The following RASSF2 variants were observed in gnomAD, a reference collection of about 807,000 sequenced individuals.
The protein encoded by RASSF2 is Ras association domain family member 2.
A neutral mutation model predicts 46.3 loss-of-function variants in RASSF2; 34 were observed. The ratio of observed to expected loss-of-function variants is 0.73; its 90% CI spans 0.56 to 0.98. RASSF2 has a LOEUF of 0.98. Ranked by LOEUF, RASSF2 falls within the 50% of genes least tolerant of loss-of-function variation. RASSF2 has a pLI of 0.00. For missense variants in RASSF2, 364 were observed against 431.2 expected (o/e 0.84, Z 1.38); for synonymous variants, 158 against 162.5 (o/e 0.97, Z 0.21).
intron 4 of RASSF2, among the ~76,000 whole-genome samples, chr20:4,797,572 G>A (rs574883196): frequency 6.6e-6 from 1 of 152,148 alleles, no homozygotes; most frequent in Non-Finnish European, 1.5e-5. Context: ...CCCACTATCA[G>A]TGGGGACTCT....
rs892265212 is a variant in RASSF2 at position 4,818,070 on chromosome 20, C to A, written c.-33+4259G>T. ...TCACTTGAGGTCAGGAGTTCAAGAC[C>A]AGCCTGGCCAACATGGTGAAACCCC... On this transcript the variant is annotated intron_variant, in intron 2 of 11. Coordinates refer to ENST00000379400, the MANE Select transcript of RASSF2 (RefSeq NM_014737.3). Among the ~76,000 whole-genome samples the A allele has an allele frequency of 2.6e-5, 4 of 152,160 alleles. No individual in the cohort carries two copies. In the East Asian group the frequency reaches 7.8e-4, roughly 29 times the overall value.
rs2122386895 is a variant in RASSF2 at position 4,784,279 on chromosome 20, T to C, written c.975A>G (p.Thr325=). The C allele has an allele frequency of 6.2e-7, 1 of 1,613,542 alleles. No homozygotes were observed. The highest frequency in any genetic ancestry group is 1.1e-5 in the South Asian group (1 of 91,078). Reference sequence around the variant, plus strand: ...ATCCCCTCGTTCTCATGGCTCAGATTGTTGCTGGGGTCTCGGCTATCTCCT... The same window carrying C: ...ATCCCCTCGTTCTCATGGCTCAGATCGTTGCTGGGGTCTCGGCTATCTCCT... ...RLEEIAETPA[T]I Residue 325 remains threonine (T), a synonymous_variant, in exon 12 of 12, where the codon ACA becomes ACG. Transcript: ENST00000379400.
intron 2 of RASSF2, among the ~76,000 whole-genome samples, chr20:4,806,047 C>G (rs1013455583): frequency 1.1e-4 from 17 of 152,148 alleles, no homozygotes; most frequent in African/African-American, 3.6e-4. Flanking sequence ...CGGGAAAGAA[C>G]AGAAGGGGTG....
In RASSF2 at chr20:4,783,612, G is replaced by A. The variant is rs1240471516; in HGVS notation, c.*661C>T. ...ACGTTTCCAGTGTAAAAATACGTGG[G>A]CTTATTGCATCTACCCCACGGATGG... On this transcript the variant is annotated 3_prime_UTR_variant, in exon 12 of 12. Coordinates refer to ENST00000379400, the MANE Select transcript of RASSF2 (RefSeq NM_014737.3). The A allele has an allele frequency of 6.6e-6, 1 of 152,668 alleles. No homozygotes were observed. Among genetic ancestry groups the A allele is most frequent in the Non-Finnish European group, 1.5e-5 (1 of 68,082 alleles). 9.5% of individuals were successfully genotyped at this position (152,668 alleles called of 1,614,324 possible).
intron 2 of RASSF2, among the ~76,000 whole-genome samples, chr20:4,809,821 C>A (rs1241193950): frequency 6.6e-6 from 1 of 152,154 alleles, no homozygotes; most frequent in Non-Finnish European, 1.5e-5. Context: ...CCAGCCACAG[C>A]TGATCCCCTG....
Position 4,794,620 on chromosome 20 carries a change from G to T in RASSF2, c.287+1195C>A, listed in dbSNP as rs148967177. Among the ~76,000 whole-genome samples, 6 of 152,042 alleles carry T rather than the reference G, an allele frequency of 3.9e-5. No homozygotes were observed. In the East Asian group the frequency reaches 1.2e-3, roughly 29 times the overall value. On this transcript the variant is annotated intron_variant, in intron 5 of 11. Transcript: ENST00000379400. ...GCTGCTGGGGAGTCTGAGTTGGGAG[G>T]ATCACTTGAGCCTAGGAGGTTGAGG...
intron 2 of RASSF2, chr20:4,815,221 A>C (rs1487055085): frequency 6.6e-6 from 1 of 152,214 alleles, no homozygotes; most frequent in Non-Finnish European, 1.5e-5. Flanking sequence ...TGGGTCCCGC[A>C]GCTTCCTGAG....
chr20:4,813,678 C>A (rs183430055), intron 2 of RASSF2, among the ~76,000 whole-genome samples: 48 of 152,108 alleles, frequency 3.2e-4, no homozygotes, highest in African/African-American at 1.0e-3. Context: ...TGGAGCGGGA[C>A]GAAAAAGGAA....
chr20:4,821,082 T>C (rs937767614), intron 2 of RASSF2, among the ~76,000 whole-genome samples: 2 of 152,072 alleles, frequency 1.3e-5, no homozygotes, highest in African/African-American at 4.8e-5. Flanking sequence ...AGCTCACGTA[T>C]GGAACGCAGA....
intron 2 of RASSF2, chr20:4,815,012 C>T (rs542586853): frequency 3.9e-5 from 6 of 152,374 alleles, no homozygotes; most frequent in African/African-American, 1.4e-4. Flanking sequence ...ACCCACTGGG[C>T]AGGGCCAGGT....
At chr20:4,792,845 G>C in intron 5 of RASSF2, 5 of 858,398 alleles carry the variant, frequency 5.8e-6, no homozygotes, top group Non-Finnish European at 8.5e-6. Flanking sequence ...GGTGGGGCAG[G>C]GGGAGTTCCG....
chr20:4,811,053 G>T (rs1927750014), intron 2 of RASSF2, among the ~76,000 whole-genome samples: 1 of 152,036 alleles, frequency 6.6e-6, no homozygotes. Context: ...GTAGAGAGAG[G>T]GGTTGCTTTA....
chr20:4,802,342 C>T (rs1926942155), intron 2 of RASSF2, among the ~76,000 whole-genome samples: 1 of 152,064 alleles, frequency 6.6e-6, no homozygotes. Context: ...GTGATGATGA[C>T]CAAAACTGTC....
In RASSF2 at chr20:4,782,828, C is replaced by G. The variant is rs953152722; in HGVS notation, c.*1445G>C. The G allele has an allele frequency of 2.0e-5, 3 of 152,312 alleles. No individual in the cohort carries two copies. The highest frequency in any genetic ancestry group is 7.2e-5 in the African/African-American group (3 of 41,446). The allele number at this position is 152,312 out of a possible 1,614,324, so 9.4% of individuals were successfully genotyped here. A position where few individuals can be genotyped will look rare whatever the true frequency, so the allele number is the denominator to read the frequency against. ...CTACCCCAGCTAGGCTCAAAGACGC[C>G]TGCTATCAGGAGCTCCTGATCTTGC... On this transcript the variant is annotated 3_prime_UTR_variant, in exon 12 of 12. Transcript: ENST00000379400.
chr20:4,792,870 T>C (rs1210135096), intron 5 of RASSF2: 3 of 697,638 alleles, frequency 4.3e-6, no homozygotes, highest in Non-Finnish European at 6.7e-6. Context: ...GAGAAGATGT[T>C]CTTTTGCAGC....
chr20:4,789,646 T>C lies in RASSF2; in HGVS notation c.589A>G (p.Ser197Gly). 6.2e-7 allele frequency: 1 copy of C among 1,614,140 alleles called. No homozygotes were observed. The highest frequency in any genetic ancestry group is 8.5e-7 in the Non-Finnish European group (1 of 1,180,014). Reference sequence around the variant, plus strand: ...AGGACCTGTGGGGTGGTCATGGTGCTGTTGATGCGGACGTTGGTGACAGAG... The same window carrying C: ...AGGACCTGTGGGGTGGTCATGGTGCCGTTGATGCGGACGTTGGTGACAGAG... Reference protein sequence around the residue: ...YGSVTNVRINSTMTTPQVLKL... With the variant: ...YGSVTNVRINGTMTTPQVLKL... Residue 197 changes from serine (S) to glycine (G), a missense_variant, in exon 8 of 12, where the codon AGC (serine) becomes GGC (glycine). By Grantham distance (56) the Ser-to-Gly change is moderately conservative (BLOSUM62 0). Transcript: ENST00000379400.
chr20:4,819,194 C>T (rs1928535202), intron 2 of RASSF2, among the ~76,000 whole-genome samples: 1 of 152,124 alleles, frequency 6.6e-6, no homozygotes, highest in Non-Finnish European at 1.5e-5. Context: ...AACTCCTGAC[C>T]TCAGGTGATC....
At chr20:4,809,484 C>G (rs1325062743) in intron 2 of RASSF2, among the ~76,000 whole-genome samples, 1 of 152,130 alleles carries the variant, frequency 6.6e-6, no homozygotes, top group Non-Finnish European at 1.5e-5. Context: ...CAGCACAGCA[C>G]GTACCCCACA....
chr20:4,802,230 C>T (rs1429625994), intron 2 of RASSF2, among the ~76,000 whole-genome samples: 1 of 152,194 alleles, frequency 6.6e-6, no homozygotes, highest in African/African-American at 2.4e-5. Flanking sequence ...CCCCACCGCC[C>T]CTGGCCTTGG....
Sources: gnomAD v4.1 joint callset for allele counts (sites outside exome capture counted in the v4.1 genomes callset) on GRCh38, gnomAD v4.1.1 for gene constraint, MANE v1.5 for transcripts, NCBI Gene and HGNC (gene_info 2026-07-23, HGNC 2026-07-21) for gene names.